The following TOX4 variants were observed in gnomAD, a reference collection of about 807,000 sequenced individuals.
TOX4 encodes epidermal Langerhans cell protein LCP1.
A neutral mutation model predicts 61.0 loss-of-function variants in TOX4; 12 were observed. That is an observed-to-expected ratio of 0.20 (90% CI 0.13 to 0.32). The LOEUF (loss-of-function observed/expected upper bound fraction) is 0.32, where lower values mean the gene tolerates loss of function less well. TOX4 is among the 10% of genes least tolerant of loss of function. TOX4 has a pLI of 1.00. For missense variants in TOX4, 499 were observed against 753.3 expected (o/e 0.66, Z 3.95); for synonymous variants, 268 against 274.8 (o/e 0.98, Z 0.24).
intron 2 of TOX4, 53 bp from the exon 3 acceptor site, chr14:21,487,398 T>C (rs764852788): frequency 6.7e-5 from 107 of 1,592,050 alleles, no homozygotes; most frequent in Non-Finnish European, 8.9e-5. Flanking sequence ...CACTTAGTAG[T>C]ATGCCATTTC....
chr14:21,484,662 C>G (rs1891168764), intron 2 of TOX4, among the ~76,000 whole-genome samples: 1 of 101,906 alleles, frequency 9.8e-6, no homozygotes, highest in African/African-American at 3.7e-5. Flanking sequence ...TATTTTCTTT[C>G]TTTTTCTTTT....
chr14:21,477,999 C>A (rs1891033008), intron 2 of TOX4, among the ~76,000 whole-genome samples: 2 of 152,170 alleles, frequency 1.3e-5, no homozygotes. Context: ...TGCAGTGGTG[C>A]GATCTCGGCT....
rs533570141 is a variant in TOX4, at chr14:21,484,329, CTTTTTTTTTTTTTTTTTT to C, written c.76-3102_76-3085del. ...CTGGAAATTTTCTTTCTAGCAATGT[CTTTTTTTTTTTTTTTTTT>C]TTTTTTTTTTTTTTTTTTTGAGACA... On this transcript the variant is annotated intron_variant, in intron 2 of 8. Transcript: ENST00000448790. Among the ~76,000 whole-genome samples the C allele has an allele frequency of 1.5e-3, 68 of 44,232 alleles. 4 individuals are homozygous for C. The South Asian group carries it at 0.037, about 24-fold the overall frequency. 29.0% of individuals were successfully genotyped at this position (44,232 alleles called of 152,430 possible). A position where few individuals can be genotyped will look rare whatever the true frequency, so the allele number is the denominator to read the frequency against.
intron 2 of TOX4, among the ~76,000 whole-genome samples, chr14:21,486,817 A>G (rs1003933939): frequency 1.3e-5 from 2 of 152,204 alleles, no homozygotes; most frequent in African/African-American, 4.8e-5. Context: ...GAGCAAGACT[A>G]GCATTTTTGG....
At chr14:21,480,163 TC>T (rs1891083876) in intron 2 of TOX4, among the ~76,000 whole-genome samples, 2 of 152,318 alleles carry the variant, frequency 1.3e-5, no homozygotes, top group Admixed American at 6.5e-5. Flanking sequence ...TCAAGAAACT[TC>T]CCATGAAGAA....
Position 21,492,375 on chromosome 14 carries a change from A to G in TOX4, c.890A>G (p.Gln297Arg), listed in dbSNP as rs1703458628. The change falls in exon 6 of 9, where the codon CAG becomes CGG. Residue 297 changes from glutamine (Q) to arginine (R), a missense_variant and splice_region_variant. This residue lies in a region of TOX4 where 296 missense variants were observed against 404.7 expected (regional missense o/e 0.73). Coordinates refer to ENST00000448790, the MANE Select transcript of TOX4 (RefSeq NM_014828.4). ...LAAYKDNQEC[Q>R]ATVETVELDP... Reference sequence around the variant, plus strand: ...GCTTACAAAGACAACCAGGAGTGTCAGGTAAGAGGGATAGGATAGAATGAA... The same window carrying G: ...GCTTACAAAGACAACCAGGAGTGTCGGGTAAGAGGGATAGGATAGAATGAA... The G allele has an allele frequency of 1.9e-6, 3 of 1,613,912 alleles. No homozygotes were observed. Among genetic ancestry groups the G allele is most frequent in the Middle Eastern group, 1.7e-4 (1 of 6,060 alleles).
At chr14:21,484,403 C>T (rs1373891182) in intron 2 of TOX4, among the ~76,000 whole-genome samples, 1 of 121,108 alleles carries the variant, frequency 8.3e-6, no homozygotes, top group African/African-American at 3.1e-5. Context: ...GGCTGGAGTG[C>T]AGTGGCACAA....
rs1465949845 is a variant in TOX4, at chr14:21,488,751, C to T, written c.480C>T (p.Gly160=). 6.2e-7 allele frequency: 1 copy of T among 1,614,100 alleles called. No individual in the cohort carries two copies. The highest frequency in any genetic ancestry group is 8.5e-7 in the Non-Finnish European group (1 of 1,180,046). Reference sequence around the variant, plus strand: ...AGCTGGGTTTGAGCCTAGGGGGTGGCACCATCCTGCCACCTGCCCAGTCAC... The same window carrying T: ...AGCTGGGTTTGAGCCTAGGGGGTGGTACCATCCTGCCACCTGCCCAGTCAC... ...SSQLGLSLGG[G]TILPPAQSPE... is the part of the protein sequence containing the mutation. Residue 160 remains glycine (G), a synonymous_variant, in exon 4 of 9, where the codon GGC becomes GGT. Coordinates refer to ENST00000448790, the MANE Select transcript of TOX4 (RefSeq NM_014828.4).
chr14:21,489,228 C>G lies in TOX4; in HGVS notation c.635C>G (p.Pro212Arg). 3 of 1,614,072 alleles carry G rather than the reference C, an allele frequency of 1.9e-6. No homozygotes were observed. The highest frequency in any genetic ancestry group is 1.1e-5 in the South Asian group (1 of 91,082). ...GAAGCAGGGAAAAAGCAGAAGGCCC[C>G]AAAGAAGAGAAAAAAGAAAGATCCT... The part of the protein sequence containing the change: ...VVEAGKKQKA[P>R]KKRKKKDPNE... Residue 212 changes from proline (P) to arginine (R), a missense_variant, in exon 5 of 9, where the codon CCA (proline) becomes CGA (arginine). This residue lies in a region of TOX4 where 61 missense variants were observed against 76.1 expected (regional missense o/e 0.80). Transcript: ENST00000448790.
In TOX4 at chr14:21,493,149, T is replaced by G. The variant is rs1437140483; in HGVS notation, c.1533T>G (p.Thr511=). The G allele has an allele frequency of 1.2e-6, 2 of 1,613,936 alleles. No homozygotes were observed. Among genetic ancestry groups the G allele is most frequent in the African/African-American group, 1.3e-5 (1 of 74,880 alleles). ...LKMQTTLVPP[T]VESSPERPMN... ...TGCAGACTACCTTAGTCCCACCAAC[T>G]GTGGAAAGTAGTCCTGAGCGGCCTA... Residue 511 remains threonine, a synonymous_variant, in exon 7 of 9, where the codon ACT becomes ACG. Transcript: ENST00000448790.
At chr14:21,495,577 T>G in intron 8 of TOX4, 185 bp downstream of exon 8, 1 of 574,444 alleles carries the variant, frequency 1.7e-6, no homozygotes, top group Non-Finnish European at 2.9e-6. Flanking sequence ...AAGCCAAAGA[T>G]GATGTAATCA....
At chr14:21,495,434 A>G (rs763149661) in intron 8 of TOX4, 42 bp downstream of exon 8, 1 of 1,580,026 alleles carries the variant, frequency 6.3e-7, no homozygotes, top group Admixed American at 1.7e-5. Flanking sequence ...GCTACTGGTC[A>G]ATTCTACTGG....
In TOX4 at chr14:21,481,742, A is replaced by G. The variant is rs149165484; in HGVS notation, c.75+4178A>G. 4.7e-3 allele frequency among the ~76,000 whole-genome samples: 710 copies of G among 152,374 alleles called. 22 individuals carry two copies. The highest frequency in any genetic ancestry group is 0.03 in the East Asian group (157 of 5,192). On this transcript the variant is annotated intron_variant, in intron 2 of 8. Transcript: ENST00000448790. ...GTATTTGTGAAAAGGAATACTACACAGATATAAAAAATTAAATTATAAATG... is the reference window on the plus strand; with the variant it reads ...GTATTTGTGAAAAGGAATACTACACGGATATAAAAAATTAAATTATAAATG...
chr14:21,494,884 A>G (rs1270986511), intron 7 of TOX4, among the ~76,000 whole-genome samples: 2 of 151,996 alleles, frequency 1.3e-5, no homozygotes, highest in African/African-American at 2.4e-5. Flanking sequence ...GTGCCACAGC[A>G]CTCCAGCCTG....
intron 2 of TOX4, among the ~76,000 whole-genome samples, chr14:21,480,850 G>T (rs1467102582): frequency 6.6e-6 from 1 of 152,192 alleles, no homozygotes; most frequent in Non-Finnish European, 1.5e-5. Context: ...CAGCACTTTG[G>T]GAGGCTGAGG....
intron 2 of TOX4, among the ~76,000 whole-genome samples, chr14:21,480,928 T>G (rs1284098540): frequency 6.6e-6 from 1 of 151,974 alleles, no homozygotes; most frequent in African/African-American, 2.4e-5. Flanking sequence ...CCTTCTCTAC[T>G]AAAAATACAA....
chr14:21,498,761 C>A lies in TOX4; in HGVS notation c.*2155C>A. ...CCACCAGGGGGCAGATTCAATACAT[C>A]ACAGAATGGCTGAGGAAGATCCTTG... is the stretch of plus-strand genomic sequence containing the variant. On this transcript the variant is annotated 3_prime_UTR_variant, in exon 9 of 9. Transcript: ENST00000448790. The A allele has an allele frequency of 2.0e-6, 1 of 488,202 alleles. No homozygotes were observed. The highest frequency in any genetic ancestry group is 3.6e-6 in the Non-Finnish European group (1 of 274,078). 30.2% of individuals were successfully genotyped at this position (488,202 alleles called of 1,614,324 possible).
Position 21,493,260 on chromosome 14 carries a change from G to A in TOX4, c.1641+3G>A. The A allele has an allele frequency of 6.3e-7, 1 of 1,595,730 alleles. No homozygotes were observed. Among genetic ancestry groups the A allele is most frequent in the South Asian group, 1.1e-5 (1 of 88,458 alleles). On this transcript the variant is annotated splice_donor_region_variant and intron_variant, in intron 7 of 8. Transcript: ENST00000448790. ...TGATCACAGATGTAGTTCCTGAGGTGAGCCTTTGTTTTTAAGTCTTTAGTC... is the reference window on the plus strand; with the variant it reads ...TGATCACAGATGTAGTTCCTGAGGTAAGCCTTTGTTTTTAAGTCTTTAGTC...
rs908286976 is a variant in TOX4, at chr14:21,498,726, A to G, written c.*2120A>G. 1.1e-5 allele frequency: 5 copies of G among 459,290 alleles called. No homozygotes were observed. Among genetic ancestry groups the G allele is most frequent in the Non-Finnish European group, 1.6e-5 (4 of 257,336 alleles). The allele number at this position is 459,290 out of a possible 1,614,324, so 28.5% of individuals were successfully genotyped here. On this transcript the variant is annotated 3_prime_UTR_variant, in exon 9 of 9. Transcript: ENST00000448790. ...GTAATTATTGACAGATTAAATAGAT[A>G]ACTTCGTAACCACCAGGGGGCAGAT...
Sources: allele counts gnomAD v4.1 joint callset (sites outside exome capture counted in the v4.1 genomes callset), GRCh38; gene constraint gnomAD v4.1.1; regional missense constraint gnomAD v4.1.1; transcripts MANE v1.5; gene names NCBI Gene and HGNC (gene_info 2026-07-23, HGNC 2026-07-21).